Variants in SEMA3C observed in about 807,000 individuals in gnomAD.
SEMA3C encodes semaphorin 3C.
SEMA3C carries 47 observed loss-of-function variants against 89.4 expected under a neutral mutation model. The ratio of observed to expected loss-of-function variants is 0.53; its 90% CI spans 0.42 to 0.67. The LOEUF (loss-of-function observed/expected upper bound fraction) is 0.67, where lower values mean the gene tolerates loss of function less well. Ranked by LOEUF, SEMA3C falls within the 30% of genes least tolerant of loss-of-function variation. SEMA3C has a pLI of 0.00. For synonymous variants in SEMA3C, 310 were observed against 320.2 expected, an observed-to-expected ratio of 0.97 and a Z score of 0.34; for missense variants, 839 against 929.1, an observed-to-expected ratio of 0.90 and a Z score of 1.26.
At chr7:80,755,513 A>G (rs760836523) in intron 15 of SEMA3C, among the ~76,000 whole-genome samples, 6 of 151,670 alleles carry the variant, frequency 4.0e-5, no homozygotes, top group Non-Finnish European at 7.4e-5. Flanking sequence ...CTTACATTAT[A>G]TAATAACTGG....
At chr7:80,802,283 T>C (rs750269881) in intron 9 of SEMA3C, among the ~76,000 whole-genome samples, 101 of 152,102 alleles carry the variant, frequency 6.6e-4, no homozygotes, top group Non-Finnish European at 1.2e-3. Context: ...TTAGCTACAA[T>C]AGTAAAAATA....
Position 80,745,071 on chromosome 7 carries a change from G to A in SEMA3C, c.2079C>T (p.Ile693=), listed in dbSNP as rs548842273. 6.2e-7 allele frequency: 1 copy of A among 1,614,084 alleles called. No homozygotes were observed. Among genetic ancestry groups the A allele is most frequent in the South Asian group, 1.1e-5 (1 of 91,078 alleles). ...VRALPFHPKD[I]MGAFSHSEMQ... The stretch of plus-strand genomic sequence containing the variant: ...TTTCTGAGTGGCTGAATGCCCCCAT[G>A]ATGTCCTTCGGGTGGAAGGGTAAAG... The change falls in exon 18 of 18, where the codon ATC becomes ATT. Residue 693 remains isoleucine (I), a synonymous_variant. Transcript: ENST00000265361.
At chr7:80,859,036 G>A (rs763837094) in intron 2 of SEMA3C, among the ~76,000 whole-genome samples, 6 of 151,518 alleles carry the variant, frequency 4.0e-5, no homozygotes, top group African/African-American at 7.3e-5. Flanking sequence ...TTTTCCTATC[G>A]TTTGAAACCT....
intron 3 of SEMA3C, 69 bp from the exon 4 acceptor site, chr7:80,827,556 T>C: frequency 7.8e-7 from 1 of 1,274,666 alleles, no homozygotes; most frequent in Non-Finnish European, 1.1e-6. Context: ...GCTCTTCATT[T>C]ACTTTTTGTT....
At chr7:80,905,916 T>C in intron 2 of SEMA3C, 1 of 1,287,260 alleles carries the variant, frequency 7.8e-7, no homozygotes, top group Non-Finnish European at 1.0e-6. Context: ...CAAGGTAGGC[T>C]CTGGAAAAGA....
intron 2 of SEMA3C, among the ~76,000 whole-genome samples, chr7:80,866,183 T>C (rs1790922254): frequency 6.6e-6 from 1 of 152,196 alleles, no homozygotes; most frequent in African/African-American, 2.4e-5. Context: ...ACAGATTTAA[T>C]TTGCATATAA....
intron 2 of SEMA3C, among the ~76,000 whole-genome samples, chr7:80,851,504 T>TAAAAAAAAA (rs35936052): frequency 2.0e-4 from 14 of 69,804 alleles, no homozygotes; most frequent in African/African-American, 6.8e-4. Context: ...CTCTTGTCTT[T>TAAAAAAAAA]AAAAAAAAAA....
At chr7:80,906,051 A>G (rs1792007956) in intron 2 of SEMA3C, 20 of 362,978 alleles carry the variant, frequency 5.5e-5, no homozygotes, top group South Asian at 4.5e-4. Flanking sequence ...CAAGCTTTAC[A>G]AAAGGGCCTA....
In SEMA3C at chr7:80,881,530, GGTGTAAGTGATTTTACAT is replaced by G. The variant is rs372615371; in HGVS notation, c.103+35131_103+35148del. Among the ~76,000 whole-genome samples, 4 of 152,072 alleles carry G rather than the reference GGTGTAAGTGATTTTACAT, an allele frequency of 2.6e-5. No individual in the cohort carries two copies. The East Asian group carries it at 7.7e-4, about 29-fold the overall frequency. ...GAACAATTTCTGGCATCACTGGAGG[GGTGTAAGTGATTTTACAT>G]GTGTAAGTGATTAGGAAACTGAATG... On this transcript the variant is annotated intron_variant, in intron 2 of 17. Transcript: ENST00000265361.
intron 16 of SEMA3C, among the ~76,000 whole-genome samples, chr7:80,750,574 A>G (rs1437891541): frequency 6.7e-6 from 1 of 149,696 alleles, no homozygotes; most frequent in African/African-American, 2.5e-5. Context: ...AGAAAATTGT[A>G]ATATATTTTA....
chr7:80,831,405 A>G (rs1790006496), intron 2 of SEMA3C, among the ~76,000 whole-genome samples: 1 of 152,214 alleles, frequency 6.6e-6, no homozygotes, highest in Non-Finnish European at 1.5e-5. Context: ...TCCCGGAGCT[A>G]TACTGATGCT....
At chr7:80,840,512 C>G (rs1166455218) in intron 2 of SEMA3C, among the ~76,000 whole-genome samples, 1 of 115,994 alleles carries the variant, frequency 8.6e-6, no homozygotes. Flanking sequence ...GAGCACCTGT[C>G]TCCAGGAAAA....
intron 17 of SEMA3C, 55 bp downstream of exon 17, chr7:80,748,843 G>A: frequency 6.6e-7 from 1 of 1,514,926 alleles, no homozygotes; most frequent in Non-Finnish European, 8.9e-7. Flanking sequence ...GAGGGACAGT[G>A]ATTTAATGTT....
chr7:80,780,699 C>T (rs974971509), intron 12 of SEMA3C, among the ~76,000 whole-genome samples: 5 of 152,038 alleles, frequency 3.3e-5, no homozygotes, highest in Admixed American at 6.6e-5. Context: ...GCCTGGGCAA[C>T]GTGCAGAAAC....
chr7:80,765,064 T>C, intron 13 of SEMA3C, 91 bp downstream of exon 13: 2 of 776,510 alleles, frequency 2.6e-6, no homozygotes, highest in Non-Finnish European at 2.1e-6. Flanking sequence ...TTTGATCTTT[T>C]ATCAAATATA....
upstream of SEMA3C, chr7:80,922,268 T>C: frequency 1.6e-6 from 2 of 1,288,952 alleles, no homozygotes; most frequent in South Asian, 1.2e-5. Flanking sequence ...CTCTTACCTT[T>C]TTTGCTTAAC....
At chr7:80,865,028 A>G (rs577424165) in intron 2 of SEMA3C, among the ~76,000 whole-genome samples, 2 of 152,276 alleles carry the variant, frequency 1.3e-5, no homozygotes, top group East Asian at 3.9e-4. Context: ...TTATCACTTG[A>G]AATGATTTCT....
intron 2 of SEMA3C, among the ~76,000 whole-genome samples, chr7:80,833,749 C>T (rs1020312914): frequency 2.6e-5 from 4 of 151,392 alleles, no homozygotes; most frequent in Non-Finnish European, 5.9e-5. Context: ...TTGAACTATA[C>T]GACTTGGGGA....
intron 12 of SEMA3C, among the ~76,000 whole-genome samples, chr7:80,778,668 C>T (rs1309920202): frequency 6.6e-6 from 1 of 152,036 alleles, no homozygotes; most frequent in Non-Finnish European, 1.5e-5. Context: ...CTACTTCTTT[C>T]TGTTCATGTC....
Sources: gnomAD v4.1 joint callset for allele counts (sites outside exome capture counted in the v4.1 genomes callset) on GRCh38, gnomAD v4.1.1 for gene constraint, MANE v1.5 for transcripts, NCBI Gene and HGNC (gene_info 2026-07-23, HGNC 2026-07-21) for gene names.